CSMD1: variants seen among roughly 807,000 people sequenced by gnomAD.
The protein encoded by CSMD1 is CUB and sushi domain-containing protein 1.
Under a neutral mutation model 417.5 loss-of-function variants are expected in CSMD1, and 213 were observed. That is an observed-to-expected ratio of 0.51 (90% CI 0.46 to 0.57). The LOEUF (loss-of-function observed/expected upper bound fraction) is 0.57. Ranked by LOEUF, CSMD1 falls within the 20% of genes least tolerant of loss-of-function variation. The probability of loss-of-function intolerance (pLI) is 0.00; values close to 1 mark genes in which losing one functional copy is unlikely to be tolerated. For missense variants in CSMD1, 6,923 were observed against 4,529.7 expected (o/e 1.53, Z -15.17); for synonymous variants, 2,862 against 1,736.8 (o/e 1.65, Z -16.11).
chr8:4,040,395 G>A (rs375328872), intron 3 of CSMD1, among the ~76,000 whole-genome samples: 1 of 152,178 alleles, frequency 6.6e-6, no homozygotes, highest in African/African-American at 2.4e-5. Context: ...ACATGCTGCA[G>A]GGAGATCAAG....
At chr8:4,042,371 G>C (rs572731052) in intron 3 of CSMD1, among the ~76,000 whole-genome samples, 4 of 152,192 alleles carry the variant, frequency 2.6e-5, no homozygotes, top group South Asian at 2.1e-4. Context: ...TGAAACCAAG[G>C]AGAGATTCAG....
At chr8:4,116,317 G>A (rs1201953856) in intron 3 of CSMD1, among the ~76,000 whole-genome samples, 1 of 152,074 alleles carries the variant, frequency 6.6e-6, no homozygotes, top group Non-Finnish European at 1.5e-5. Flanking sequence ...TTAGGACGGT[G>A]AAACCACTCT....
In CSMD1 at chr8:4,867,825, C is replaced by T. The variant is rs1407945415; in HGVS notation, c.85+126507G>A. On this transcript the variant is annotated intron_variant, in intron 1 of 69. Transcript: ENST00000635120. ...ACATTCATTTTACTACATGTGGCAA[C>T]ATTTAACAGAGTGTAAATTCTCAAT... is the stretch of plus-strand genomic sequence containing the variant. Among the ~76,000 whole-genome samples the T allele has an allele frequency of 3.9e-5, 6 of 152,166 alleles. No homozygotes were observed. The Middle Eastern group carries it at 0.01, about 259-fold the overall frequency.
In CSMD1 at chr8:3,976,977, T is replaced by C. The variant is rs186795737; in HGVS notation, c.818+20926A>G. Among the ~76,000 whole-genome samples, 27 of 152,224 alleles carry C rather than the reference T, an allele frequency of 1.8e-4. No individual in the cohort carries two copies. The East Asian group carries it at 4.6e-3, about 26-fold the overall frequency. Reference sequence around the variant, plus strand: ...CATAGTACACATGTCACAGAACACATAGGTATTAGTGTGCAGTGGGTGGGG... The same window carrying C: ...CATAGTACACATGTCACAGAACACACAGGTATTAGTGTGCAGTGGGTGGGG... On this transcript the variant is annotated intron_variant, in intron 5 of 69. Coordinates refer to ENST00000635120, the MANE Select transcript of CSMD1 (RefSeq NM_033225.6).
chr8:3,338,249 C>G (rs1807405989), intron 23 of CSMD1, among the ~76,000 whole-genome samples: 1 of 152,208 alleles, frequency 6.6e-6, no homozygotes, highest in Non-Finnish European at 1.5e-5. Context: ...CCCTGGCATC[C>G]ACGCCTCTAT....
At chr8:3,009,890 TA>T (rs1321212640) in intron 52 of CSMD1, among the ~76,000 whole-genome samples, 6 of 152,264 alleles carry the variant, frequency 3.9e-5, no homozygotes, top group Non-Finnish European at 7.3e-5. Context: ...ACAGCTTTTT[TA>T]AACCAGTTTG....
intron 5 of CSMD1, among the ~76,000 whole-genome samples, chr8:3,983,087 A>C (rs1814013939): frequency 1.3e-5 from 2 of 150,800 alleles, no homozygotes; most frequent in Non-Finnish European, 2.9e-5. Flanking sequence ...GCCTCTAATG[A>C]TGTAAAACGC....
At chr8:4,081,305 T>A (rs1217903318) in intron 3 of CSMD1, among the ~76,000 whole-genome samples, 2 of 152,200 alleles carry the variant, frequency 1.3e-5, no homozygotes, top group African/African-American at 4.8e-5. Context: ...GTAAGCTCTA[T>A]GGTCCCCTCC....
At chr8:3,884,999 C>A (rs983643602) in intron 5 of CSMD1, among the ~76,000 whole-genome samples, 1 of 150,988 alleles carries the variant, frequency 6.6e-6, no homozygotes, top group African/African-American at 2.4e-5. Context: ...ATGCACCTAT[C>A]AAATGAGTAA....
At chr8:3,663,741 T>C (rs1222867388) in intron 7 of CSMD1, among the ~76,000 whole-genome samples, 2 of 152,188 alleles carry the variant, frequency 1.3e-5, no homozygotes, top group South Asian at 2.1e-4. Context: ...TTGTCCTGCC[T>C]TTCTGGACCG....
intron 3 of CSMD1, among the ~76,000 whole-genome samples, chr8:4,278,425 T>C (rs1476528871): frequency 6.6e-6 from 1 of 152,176 alleles, no homozygotes; most frequent in Non-Finnish European, 1.5e-5. Context: ...ATGATACAAT[T>C]ACATCTGATG....
At chr8:3,759,619 C>A (rs932942351) in intron 5 of CSMD1, among the ~76,000 whole-genome samples, 2 of 151,830 alleles carry the variant, frequency 1.3e-5, no homozygotes, top group African/African-American at 2.4e-5. Flanking sequence ...GGGTGCCAGG[C>A]ACAGTGGCTC....
intron 1 of CSMD1, among the ~76,000 whole-genome samples, chr8:4,776,328 T>C (rs1261503693): frequency 6.6e-6 from 1 of 152,316 alleles, no homozygotes; most frequent in East Asian, 1.9e-4. Flanking sequence ...AATATTAATA[T>C]GAAAATATTG....
At chr8:3,720,847 T>G (rs986138541) in intron 6 of CSMD1, among the ~76,000 whole-genome samples, 2 of 152,076 alleles carry the variant, frequency 1.3e-5, no homozygotes, top group African/African-American at 2.4e-5. Flanking sequence ...AGTCTCGCTC[T>G]GTTGCCCAGG....
chr8:3,561,699 C>T (rs1563155684), intron 10 of CSMD1, among the ~76,000 whole-genome samples: 1 of 152,102 alleles, frequency 6.6e-6, no homozygotes, highest in Non-Finnish European at 1.5e-5. Context: ...GATGGGTGTA[C>T]TACCAGCCCC....
Position 3,931,585 on chromosome 8 carries a change from T to C in CSMD1, c.818+66318A>G, listed in dbSNP as rs1021893242. 1.1e-4 allele frequency among the ~76,000 whole-genome samples: 16 copies of C among 150,002 alleles called. 1 individual carries two copies. Among genetic ancestry groups the C allele is most frequent in the Admixed American group, 1.0e-3 (15 of 15,022 alleles). Reference sequence around the variant, plus strand: ...GGAGGTCAGGCAGCAGTCAGTGCCATGAATTGCCTCAAATCATTGCGCCAA... The same window carrying C: ...GGAGGTCAGGCAGCAGTCAGTGCCACGAATTGCCTCAAATCATTGCGCCAA... On this transcript the variant is annotated intron_variant, in intron 5 of 69. Coordinates refer to ENST00000635120, the MANE Select transcript of CSMD1 (RefSeq NM_033225.6).
intron 3 of CSMD1, among the ~76,000 whole-genome samples, chr8:4,360,858 C>G (rs1801717114): frequency 6.6e-6 from 1 of 152,126 alleles, no homozygotes; most frequent in African/African-American, 2.4e-5. Context: ...TCTCCTTTAT[C>G]TATCTTTAAT....
chr8:3,796,688 G>A (rs977422561), intron 5 of CSMD1, among the ~76,000 whole-genome samples: 5 of 150,290 alleles, frequency 3.3e-5, no homozygotes, highest in Admixed American at 1.3e-4. Flanking sequence ...ACATTGGAAG[G>A]TTAGAAAAGA....
chr8:4,072,115 T>C (rs1470013866), intron 3 of CSMD1, among the ~76,000 whole-genome samples: 1 of 152,222 alleles, frequency 6.6e-6, no homozygotes, highest in East Asian at 1.9e-4. Context: ...TGATTCGCTA[T>C]AGGCTGTTCA....
Sources: gnomAD v4.1 joint callset for allele counts (sites outside exome capture counted in the v4.1 genomes callset) on GRCh38, gnomAD v4.1.1 for gene constraint, MANE v1.5 for transcripts, NCBI Gene and HGNC (gene_info 2026-07-23, HGNC 2026-07-21) for gene names.